PRIM2: variants seen among roughly 807,000 people sequenced by gnomAD.
PRIM2 encodes the protein DNA primase large subunit.
In PRIM2, 39 loss-of-function variants were observed where a neutral mutation model predicts 67.3. That is an observed-to-expected ratio of 0.58 (90% CI 0.45 to 0.76). The LOEUF (loss-of-function observed/expected upper bound fraction) is 0.76. PRIM2 is among the 30% of genes least tolerant of loss of function. PRIM2 has a pLI of 0.00. For synonymous variants in PRIM2, 143 were observed against 198.7 expected, an observed-to-expected ratio of 0.72 and a Z score of 2.36; for missense variants, 398 against 598.7, an observed-to-expected ratio of 0.66 and a Z score of 3.50.
At chr6:57,330,363 TTTTGTTTTTTTGTTTTTTTG>T (rs1562696694) in intron 5 of PRIM2, among the ~76,000 whole-genome samples, 9 of 98,826 alleles carry the variant, frequency 9.1e-5, no homozygotes, top group African/African-American at 3.6e-4. Context: ...TTTTTTTTGT[TTTTGTTTTTTTGTTTTTTTG>T]TTTTTTTTTT....
chr6:57,586,025 C>G (rs1342366641), intron 10 of PRIM2, among the ~76,000 whole-genome samples: 1 of 152,114 alleles, frequency 6.6e-6, no homozygotes, highest in Non-Finnish European at 1.5e-5. Context: ...ACAACAGAAC[C>G]TATGATGTTC....
chr6:57,341,824 G>C (rs996641384), intron 5 of PRIM2, among the ~76,000 whole-genome samples: 1 of 152,280 alleles, frequency 6.6e-6, no homozygotes, highest in Non-Finnish European at 1.5e-5. Flanking sequence ...GAGGTGGAAG[G>C]AAACAGCAGG....
rs569707520 is a variant in PRIM2 at position 57,462,116 on chromosome 6, T to C, written c.694-45271T>C. 3.3e-5 allele frequency among the ~76,000 whole-genome samples: 5 copies of C among 152,306 alleles called. No homozygotes were observed. The South Asian group carries it at 1.0e-3, about 32-fold the overall frequency. ...ATGAAGATGAGACTTCCATTTTCCA[T>C]GCTCAAGTAAGTCAAAATGAGTGCA... On this transcript the variant is annotated intron_variant, in intron 7 of 13. Coordinates refer to ENST00000615550, the MANE Select transcript of PRIM2 (RefSeq NM_000947.5).
intron 12 of PRIM2, among the ~76,000 whole-genome samples, chr6:57,621,567 A>G (rs1158816853): frequency 0.1 from 15,956 of 152,024 alleles, 948 homozygotes; most frequent in East Asian, 0.21. Flanking sequence ...CTTAGCATCT[A>G]TTATATACAA....
At chr6:57,409,238 C>T (rs865807211) in intron 7 of PRIM2, among the ~76,000 whole-genome samples, 3 of 151,748 alleles carry the variant, frequency 2.0e-5, no homozygotes, top group African/African-American at 7.3e-5. Flanking sequence ...TACACTAGCA[C>T]GATCTTGGCT....
chr6:57,390,972 A>G (rs1302144294), intron 7 of PRIM2, among the ~76,000 whole-genome samples: 1 of 152,176 alleles, frequency 6.6e-6, no homozygotes, highest in Non-Finnish European at 1.5e-5. Flanking sequence ...ACTGCTTTCC[A>G]CATTGGTTGA....
At chr6:57,334,343 G>A (rs1305668581) in intron 5 of PRIM2, among the ~76,000 whole-genome samples, 1 of 152,036 alleles carries the variant, frequency 6.6e-6, no homozygotes, top group Non-Finnish European at 1.5e-5. Flanking sequence ...CCGTATCTTG[G>A]CTATTGTGAA....
the PRIM2 span, among the ~76,000 whole-genome samples, chr6:57,266,634 G>A: frequency 8.5e-3 from 1,288 of 152,246 alleles, 23 homozygotes; most frequent in African/African-American, 0.029. Flanking sequence ...GTAATTTGCC[G>A]CATTTGAATT....
the PRIM2 span, among the ~76,000 whole-genome samples, chr6:57,275,631 A>C: frequency 6.6e-6 from 1 of 152,260 alleles, no homozygotes; most frequent in Non-Finnish European, 1.5e-5. Flanking sequence ...TGTCATCTTT[A>C]AGTCAAGACT....
At chr6:57,400,721 G>A (rs377121980) in intron 7 of PRIM2, among the ~76,000 whole-genome samples, 2 of 152,016 alleles carry the variant, frequency 1.3e-5, no homozygotes, top group African/African-American at 4.8e-5. Context: ...TTTCCCCTTC[G>A]CTTTCAGGGA....
intron 8 of PRIM2, among the ~76,000 whole-genome samples, chr6:57,516,051 G>T (rs1774481341): frequency 6.6e-6 from 1 of 151,424 alleles, no homozygotes; most frequent in Non-Finnish European, 1.5e-5. Flanking sequence ...TGAAGTCCTT[G>T]CCTGTGGGTC....
At chr6:57,489,208 A>G (rs2127408917) in intron 7 of PRIM2, among the ~76,000 whole-genome samples, 1 of 152,386 alleles carries the variant, frequency 6.6e-6, no homozygotes, top group South Asian at 2.1e-4. Context: ...TAGTCTGGCA[A>G]CTGTATTTGA....
chr6:57,293,754 C>A, the PRIM2 span, among the ~76,000 whole-genome samples: 21 of 150,736 alleles, frequency 1.4e-4, no homozygotes, highest in East Asian at 4.1e-3. Context: ...CCTAACACTG[C>A]ATGTTCCCAG....
chr6:57,484,482 A>C (rs1773709244), intron 7 of PRIM2, among the ~76,000 whole-genome samples: 1 of 152,296 alleles, frequency 6.6e-6, no homozygotes, highest in Non-Finnish European at 1.5e-5. Context: ...TCACACTCAG[A>C]GTTTAAAAAA....
intron 12 of PRIM2, among the ~76,000 whole-genome samples, chr6:57,608,715 GA>G (rs1228501753): frequency 0.023 from 1,792 of 76,272 alleles, 27 homozygotes; most frequent in African/African-American, 0.075. Context: ...CCTGTCTCAA[GA>G]AAAAAAAAAA....
chr6:57,622,567 T>G (rs1162170649), intron 12 of PRIM2, among the ~76,000 whole-genome samples: 1 of 152,236 alleles, frequency 6.6e-6, no homozygotes, highest in African/African-American at 2.4e-5. Context: ...ACAAATGTAT[T>G]TCTGCACTAA....
chr6:57,418,383 G>GGTTTTTTTTTTTTTTTTTTTT lies in PRIM2; in HGVS notation c.693+36215_693+36216insGTTTTTTTTTTTTTTTTTTTT, dbSNP rs1554336216. Among the ~76,000 whole-genome samples, 10 of 47,234 alleles carry GGTTTTTTTTTTTTTTTTTTTT rather than the reference G, an allele frequency of 2.1e-4. 3 individuals carry two copies. Among genetic ancestry groups the GGTTTTTTTTTTTTTTTTTTTT allele is most frequent in the Admixed American group, 7.2e-4 (2 of 2,780 alleles). 31.0% of individuals were successfully genotyped at this position (47,234 alleles called of 152,430 possible). A position where few individuals can be genotyped will look rare whatever the true frequency, so the allele number is the denominator to read the frequency against. Reference sequence around the variant, plus strand: ...TAAGGTAATGTTTCCTATGTGTGTGGTTTTTTTTTTTTTTTTTTTTTTTTT... The same window carrying GGTTTTTTTTTTTTTTTTTTTT: ...TAAGGTAATGTTTCCTATGTGTGTGGGTTTTTTTTTTTTTTTTTTTTTTTTTTTTTTTTTTTTTTTTTTTTT... On this transcript the variant is annotated intron_variant, in intron 7 of 13. Transcript: ENST00000615550.
chr6:57,383,463 C>T (rs1252992605), intron 7 of PRIM2: 4 of 151,298 alleles, frequency 2.6e-5, no homozygotes, highest in East Asian at 1.9e-4. Flanking sequence ...TACTATTAAT[C>T]TGATCATAGT....
At chr6:57,238,984 TC>T in the PRIM2 span, among the ~76,000 whole-genome samples, 4 of 152,034 alleles carry the variant, frequency 2.6e-5, no homozygotes, top group East Asian at 1.9e-4. Flanking sequence ...TTTTCTTTTT[TC>T]TTTTTTTATT....
Sources: gnomAD v4.1 joint callset for allele counts (sites outside exome capture counted in the v4.1 genomes callset) on GRCh38, gnomAD v4.1.1 for gene constraint, MANE v1.5 for transcripts, NCBI Gene and HGNC (gene_info 2026-07-23, HGNC 2026-07-21) for gene names.